Variants in LRPAP1 observed in about 807,000 individuals in gnomAD.
LRPAP1 encodes the protein LDL receptor related protein associated protein 1.
LRPAP1 carries 41 observed loss-of-function variants against 39.9 expected under a neutral mutation model. The observed-to-expected ratio is 1.03, with a 90% CI of 0.80 to 1.33. LRPAP1 has a LOEUF of 1.33. Ranked by LOEUF, LRPAP1 falls within the 40% of genes most tolerant of loss-of-function variation. The pLI, the probability that LRPAP1 is intolerant of heterozygous loss-of-function variation, is 0.00. For missense variants in LRPAP1, 565 were observed against 482.3 expected (o/e 1.17, Z -1.61); for synonymous variants, 263 against 212.7 (o/e 1.24, Z -2.06).
chr4:3,518,095 G>A lies in LRPAP1; in HGVS notation c.690C>T (p.Ser230=). The A allele has an allele frequency of 3.1e-6, 5 of 1,613,364 alleles. No homozygotes were observed. Among genetic ancestry groups the A allele is most frequent in the Non-Finnish European group, 3.4e-6 (4 of 1,179,984 alleles). The change falls in exon 5 of 8, where the codon AGC becomes AGT. Residue 230 remains serine, a synonymous_variant. Coordinates refer to ENST00000650182, the MANE Select transcript of LRPAP1 (RefSeq NM_002337.4). The part of the protein sequence containing the change: ...RHTELKEKLR[S]INQGLDRLRR... ...GCAGGCGGTCCAGGCCCTGGTTGAT[G>A]CTGCGCAGCTTCTCCTTCAGCTCCG...
intron 1 of LRPAP1, 39 bp downstream of exon 1, chr4:3,532,169 GC>G: frequency 6.7e-7 from 1 of 1,501,222 alleles, no homozygotes. Flanking sequence ...CACGGCCCCC[GC>G]CCCCAGGCCC....
At chr4:3,520,267 C>G in intron 2 of LRPAP1, 74 bp from the exon 3 acceptor site, 1 of 1,532,586 alleles carries the variant, frequency 6.5e-7, no homozygotes, top group Non-Finnish European at 8.9e-7. Flanking sequence ...ATCTGGGTTG[C>G]CACGGTGGGT....
chr4:3,520,203 A>AG lies in LRPAP1; in HGVS notation c.350-11dup. The AG allele has an allele frequency of 6.2e-7, 1 of 1,611,688 alleles. No individual in the cohort carries two copies. Among genetic ancestry groups the AG allele is most frequent in the East Asian group, 2.2e-5 (1 of 44,818 alleles). ...TACTTGGCCAAGATGACTAGGAGAGAGGGGAGGTTCTATTTGATATGGTTT... is the reference window on the plus strand; with the variant it reads ...TACTTGGCCAAGATGACTAGGAGAGAGGGGGAGGTTCTATTTGATATGGTTT... On this transcript the variant is annotated splice_polypyrimidine_tract_variant and intron_variant, in intron 2 of 7. Transcript: ENST00000650182.
chr4:3,514,910 C>A lies in LRPAP1; in HGVS notation c.853G>T (p.Glu285Ter). 3 of 1,613,750 alleles carry A rather than the reference C, an allele frequency of 1.9e-6. No individual in the cohort carries two copies. Among genetic ancestry groups the A allele is most frequent in the Non-Finnish European group, 2.5e-6 (3 of 1,179,862 alleles). ...EAFREELKHFEAKIEKHNHYQ... is the reference protein window; with the variant it reads ...EAFREELKHF The stretch of plus-strand genomic sequence containing the variant: ...TGGTTGTGCTTCTCGATTTTGGCTT[C>A]GAAGTGCTTGAGCTCCTCCTGGAAC... Residue 285 changes from glutamate (E) to a stop codon, truncating the protein, a stop_gained, in exon 7 of 8, where the codon GAA (glutamate) becomes TAA (stop). Transcript: ENST00000650182. LOFTEE classifies it high-confidence loss of function.
At chr4:3,522,272 C>A (rs1729932144) in intron 2 of LRPAP1, among the ~76,000 whole-genome samples, 1 of 152,232 alleles carries the variant, frequency 6.6e-6, no homozygotes, top group African/African-American at 2.4e-5. Flanking sequence ...CTGGCTCAAG[C>A]CTTCCTAGTT....
Position 3,514,884 on chromosome 4 carries a change from G to A in LRPAP1, c.879C>T (p.His293=), listed in dbSNP as rs781762889. Residue 293 remains histidine (H), a synonymous_variant, in exon 7 of 8, where the codon CAC becomes CAT. Transcript: ENST00000650182. The part of the protein sequence containing the change: ...HFEAKIEKHN[H]YQKQLEIAHE... The stretch of plus-strand genomic sequence containing the variant: ...GCGCAATCTCCAGCTGCTTCTGGTA[G>A]TGGTTGTGCTTCTCGATTTTGGCTT... 1 of 1,613,904 alleles carries A rather than the reference G, an allele frequency of 6.2e-7. No homozygotes were observed. Among genetic ancestry groups the A allele is most frequent in the South Asian group, 1.1e-5 (1 of 91,092 alleles).
At position 3,504,984 on chromosome 4, in the gene LRPAP1, G is replaced by A. The variant is rs1729310362; in HGVS notation, c.*7990C>T. Reference sequence around the variant, plus strand: ...AATAACAAAGAACAGAAGACAACATGACCCCACAAGTGAACCAGAGGGAAA... The same window carrying A: ...AATAACAAAGAACAGAAGACAACATAACCCCACAAGTGAACCAGAGGGAAA... On this transcript the variant is annotated 3_prime_UTR_variant, in exon 8 of 8. Transcript: ENST00000650182. 6.6e-6 allele frequency among the ~76,000 whole-genome samples: 1 copy of A among 152,048 alleles called. No individual in the cohort carries two copies.
rs536498773 is a variant in LRPAP1, at chr4:3,509,897, C to T, written c.*3077G>A. 10 of 152,370 alleles carry T rather than the reference C, an allele frequency of 6.6e-5. No homozygotes were observed. Among genetic ancestry groups the T allele is most frequent in the East Asian group, 1.9e-4 (1 of 5,194 alleles). 9.4% of individuals were successfully genotyped at this position (152,370 alleles called of 1,614,324 possible). On this transcript the variant is annotated 3_prime_UTR_variant, in exon 8 of 8. Coordinates refer to ENST00000650182, the MANE Select transcript of LRPAP1 (RefSeq NM_002337.4). ...TGGACACTGGAGACTGTTAAGACACCGATTCTTCCCAACATGTATTCAAGA... is the reference window on the plus strand; with the variant it reads ...TGGACACTGGAGACTGTTAAGACACTGATTCTTCCCAACATGTATTCAAGA...
At chr4:3,522,000 A>G (rs1002165693) in intron 2 of LRPAP1, among the ~76,000 whole-genome samples, 9 of 152,238 alleles carry the variant, frequency 5.9e-5, no homozygotes, top group South Asian at 2.1e-4. Context: ...AATAAATAAT[A>G]CCGGCTGTGG....
chr4:3,525,115 T>C, intron 1 of LRPAP1, 64 bp from the exon 2 acceptor site: 5 of 1,596,352 alleles, frequency 3.1e-6, no homozygotes, highest in Non-Finnish European at 4.3e-6. Flanking sequence ...AGCGAGAAAC[T>C]GACCTCGGAG....
chr4:3,504,660 G>A lies in LRPAP1; in HGVS notation c.*8314C>T, dbSNP rs1487050295. The stretch of plus-strand genomic sequence containing the variant: ...AGCTACTTGCGAGGCTGAGGCAGGA[G>A]AATTTCTTGAACCCAGGAGGTGGAG... On this transcript the variant is annotated 3_prime_UTR_variant, in exon 8 of 8. Coordinates refer to ENST00000650182, the MANE Select transcript of LRPAP1 (RefSeq NM_002337.4). Among the ~76,000 whole-genome samples the A allele has an allele frequency of 1.4e-5, 2 of 143,512 alleles. No individual in the cohort carries two copies. The highest frequency in any genetic ancestry group is 3.0e-5 in the Non-Finnish European group (2 of 66,628). 94.1% of individuals were successfully genotyped at this position (143,512 alleles called of 152,430 possible). A position where few individuals can be genotyped will look rare whatever the true frequency, so the allele number is the denominator to read the frequency against.
rs1298341554 is a variant in LRPAP1, at chr4:3,503,883, C to T, written c.*9091G>A. ...ATCTGACAAGCCAGGAAGGTAGAAACAAGGGAGAAGTGAGGGACCCAGGGG... is the reference window on the plus strand; with the variant it reads ...ATCTGACAAGCCAGGAAGGTAGAAATAAGGGAGAAGTGAGGGACCCAGGGG... On this transcript the variant is annotated 3_prime_UTR_variant, in exon 8 of 8. Transcript: ENST00000650182. 6.6e-6 allele frequency: 1 copy of T among 152,296 alleles called. No individual in the cohort carries two copies. Among genetic ancestry groups the T allele is most frequent in the African/African-American group, 2.4e-5 (1 of 41,458 alleles). The allele number at this position is 152,296 out of a possible 1,614,324, so 9.4% of individuals were successfully genotyped here.
intron 2 of LRPAP1, among the ~76,000 whole-genome samples, chr4:3,522,463 C>A (rs375143207): frequency 6.7e-6 from 1 of 148,830 alleles, no homozygotes; most frequent in Non-Finnish European, 1.5e-5. Context: ...TCAGGAGCAC[C>A]GAGCCCTTAG....
At chr4:3,518,328 T>C (rs1308117199) in intron 4 of LRPAP1, 136 bp from the exon 5 acceptor site, 2 of 862,714 alleles carry the variant, frequency 2.3e-6, no homozygotes, top group African/African-American at 3.5e-5. Context: ...CCTTCCGCGG[T>C]CCTGCAGCGC....
In LRPAP1 at chr4:3,518,841, AGGGCAGGAGGGGGTGGGGGCGGG is replaced by A; in HGVS notation, c.592+7_592+29del. ...TGGGGGGCAGGAGGGGGTGGGGCAG[AGGGCAGGAGGGGGTGGGGGCGGG>A]GGGCACCTTCGGTCCTGCTCAGGGT... On this transcript the variant is annotated splice_region_variant and intron_variant, in intron 4 of 7. Coordinates refer to ENST00000650182, the MANE Select transcript of LRPAP1 (RefSeq NM_002337.4). 1 of 915,630 alleles carries A rather than the reference AGGGCAGGAGGGGGTGGGGGCGGG, an allele frequency of 1.1e-6. No homozygotes were observed. The highest frequency in any genetic ancestry group is 1.8e-5 in the South Asian group (1 of 54,856). The allele number at this position is 915,630 out of a possible 1,614,324, so 56.7% of individuals were successfully genotyped here.
In LRPAP1 at chr4:3,524,950, G is replaced by A. The variant is rs770350585; in HGVS notation, c.306C>T (p.Asp102=). The part of the protein sequence containing the change: ...AWKKLKLDGL[D]EDGEKEARLI... Reference sequence around the variant, plus strand: ...GTCTCGCTTCCTTCTCCCCATCTTCGTCCAAGCCGTCAAGCTTTAGTTTCT... The same window carrying A: ...GTCTCGCTTCCTTCTCCCCATCTTCATCCAAGCCGTCAAGCTTTAGTTTCT... The change falls in exon 2 of 8, where the codon GAC becomes GAT. Residue 102 remains aspartate (D), a synonymous_variant. Transcript: ENST00000650182. 16 of 1,613,974 alleles carry A rather than the reference G, an allele frequency of 9.9e-6. No homozygotes were observed. Among genetic ancestry groups the A allele is most frequent in the Admixed American group, 5.0e-5 (3 of 60,000 alleles).
intron 1 of LRPAP1, among the ~76,000 whole-genome samples, chr4:3,531,727 T>A (rs748828820): frequency 2.1e-4 from 32 of 152,224 alleles, no homozygotes; most frequent in Non-Finnish European, 3.4e-4. Flanking sequence ...CGATCCCATC[T>A]CCTCACCTCC....
rs1162144001 is a variant in LRPAP1 at position 3,508,221 on chromosome 4, G to T, written c.*4753C>A. The T allele has an allele frequency of 6.6e-6, 1 of 152,118 alleles. No homozygotes were observed. The highest frequency in any genetic ancestry group is 1.5e-5 in the Non-Finnish European group (1 of 68,024). The allele number at this position is 152,118 out of a possible 1,614,324, so 9.4% of individuals were successfully genotyped here. On this transcript the variant is annotated 3_prime_UTR_variant, in exon 8 of 8. Transcript: ENST00000650182. ...GGGTTTCACCATGTTGACTAGGTTG[G>T]TCTCAAACTCCTGACCTCAGGTGAT...
intron 6 of LRPAP1, 103 bp downstream of exon 6, chr4:3,516,011 TGA>T: frequency 1.9e-5 from 21 of 1,126,596 alleles, no homozygotes; most frequent in Non-Finnish European, 2.4e-5. Flanking sequence ...GCGAGAATCT[TGA>T]GAGAGAGAGC....
Sources: gnomAD v4.1 joint callset for allele counts (sites outside exome capture counted in the v4.1 genomes callset) on GRCh38, gnomAD v4.1.1 for gene constraint, MANE v1.5 for transcripts, NCBI Gene and HGNC (gene_info 2026-07-23, HGNC 2026-07-21) for gene names.